The following TMPRSS11F variants were observed in gnomAD, a reference collection of about 807,000 sequenced individuals.
The protein encoded by TMPRSS11F is transmembrane protease serine 11F.
Under a neutral mutation model 60.2 loss-of-function variants are expected in TMPRSS11F, and 47 were observed. That is an observed-to-expected ratio of 0.78 (90% CI 0.62 to 1.00). The LOEUF is 1.00. TMPRSS11F is among the 50% of genes least tolerant of loss of function. The pLI is 0.00. For synonymous variants in TMPRSS11F, 166 were observed against 167.3 expected (o/e 0.99, Z 0.06); for missense variants, 519 against 522.9 (o/e 0.99, Z 0.07).
At chr4:68,099,875 T>TA (rs1023532491) in intron 1 of TMPRSS11F, among the ~76,000 whole-genome samples, 1 of 152,272 alleles carries the variant, frequency 6.6e-6, no homozygotes, top group African/African-American at 2.4e-5. Flanking sequence ...GCCCACACTT[T>TA]AAAAGGGGAA....
intron 1 of TMPRSS11F, among the ~76,000 whole-genome samples, chr4:68,126,345 T>G (rs1299035992): frequency 6.6e-6 from 1 of 152,206 alleles, no homozygotes; most frequent in East Asian, 1.9e-4. Context: ...AATGAAACTT[T>G]AAAATCTAGT....
At chr4:68,086,563 A>C (rs924899429) in intron 3 of TMPRSS11F, among the ~76,000 whole-genome samples, 1 of 151,790 alleles carries the variant, frequency 6.6e-6, no homozygotes, top group African/African-American at 2.4e-5. Context: ...AAAATCTGTT[A>C]AAAAAAGATC....
At chr4:68,068,850 C>A in intron 6 of TMPRSS11F, 31 bp from the exon 7 acceptor site, 1 of 1,607,954 alleles carries the variant, frequency 6.2e-7, no homozygotes, top group South Asian at 1.1e-5. Flanking sequence ...CATTCATATT[C>A]ATAAAAAGGA....
intron 3 of TMPRSS11F, among the ~76,000 whole-genome samples, chr4:68,075,959 C>T (rs567666211): frequency 7.2e-4 from 109 of 151,372 alleles, no homozygotes; most frequent in Non-Finnish European, 1.3e-3. Context: ...GGCCACTGCA[C>T]TCCAGCCTGG....
chr4:68,079,964 A>G (rs983629635), intron 3 of TMPRSS11F, among the ~76,000 whole-genome samples: 10 of 152,356 alleles, frequency 6.6e-5, no homozygotes, highest in Non-Finnish European at 1.2e-4. Context: ...AAGGAAGATC[A>G]GTAGTTACTG....
At chr4:68,057,037 C>A (rs1723061319) in intron 9 of TMPRSS11F, among the ~76,000 whole-genome samples, 1 of 152,144 alleles carries the variant, frequency 6.6e-6, no homozygotes, top group African/African-American at 2.4e-5. Flanking sequence ...GTAATCCCAG[C>A]ACTTTGGGAG....
At chr4:68,101,897 A>C (rs1724199002) in intron 1 of TMPRSS11F, among the ~76,000 whole-genome samples, 1 of 152,082 alleles carries the variant, frequency 6.6e-6, no homozygotes, top group South Asian at 2.1e-4. Context: ...ATACAATTTT[A>C]TTACCTATAG....
intron 1 of TMPRSS11F, among the ~76,000 whole-genome samples, chr4:68,123,658 G>C (rs868102646): frequency 1.2e-4 from 18 of 152,120 alleles, no homozygotes; most frequent in African/African-American, 4.1e-4. Context: ...AAAGCAAGAC[G>C]ATTATGGAAA....
chr4:68,057,014 G>T (rs1363993829), intron 9 of TMPRSS11F, among the ~76,000 whole-genome samples: 1 of 152,152 alleles, frequency 6.6e-6, no homozygotes, highest in Admixed American at 6.6e-5. Context: ...GCTGGGCGTG[G>T]TGGCTCATGC....
At chr4:68,061,710 A>G (rs909561385) in intron 8 of TMPRSS11F, 2 of 388,672 alleles carry the variant, frequency 5.1e-6, no homozygotes, top group Non-Finnish European at 1.0e-5. Flanking sequence ...AATCACTGAA[A>G]GAAATTTTAA....
chr4:68,073,829 T>C (rs1021010541), intron 4 of TMPRSS11F, 113 bp downstream of exon 4: 1 of 640,076 alleles, frequency 1.6e-6, no homozygotes. Context: ...GCTCAAGATT[T>C]ATGAAATCTC....
intron 9 of TMPRSS11F, among the ~76,000 whole-genome samples, chr4:68,057,341 T>G (rs1252100679): frequency 6.9e-6 from 1 of 145,418 alleles, no homozygotes; most frequent in Non-Finnish European, 1.5e-5. Flanking sequence ...CCTTACACCA[T>G]GCACAAAAAG....
intron 8 of TMPRSS11F, among the ~76,000 whole-genome samples, chr4:68,061,332 T>A (rs985111186): frequency 6.6e-6 from 1 of 152,212 alleles, no homozygotes; most frequent in Non-Finnish European, 1.5e-5. Context: ...ATGAGCAAAT[T>A]CAACTTACAT....
chr4:68,103,157 A>G (rs1273350072), intron 1 of TMPRSS11F, among the ~76,000 whole-genome samples: 3 of 152,094 alleles, frequency 2.0e-5, no homozygotes, highest in African/African-American at 7.2e-5. Context: ...TTAGTTGACC[A>G]CGGCCAGGCA....
intron 2 of TMPRSS11F, among the ~76,000 whole-genome samples, chr4:68,091,300 C>T (rs1723925732): frequency 6.6e-6 from 1 of 152,066 alleles, no homozygotes; most frequent in Non-Finnish European, 1.5e-5. Flanking sequence ...TTTTCTTCCA[C>T]CTCCCTGGCC....
At chr4:68,076,757 C>T (rs902597815) in intron 3 of TMPRSS11F, among the ~76,000 whole-genome samples, 2 of 152,172 alleles carry the variant, frequency 1.3e-5, no homozygotes, top group Non-Finnish European at 2.9e-5. Flanking sequence ...CACCAATCTT[C>T]CATTTTCCTG....
At chr4:68,120,411 C>A (rs1250425322) in intron 1 of TMPRSS11F, among the ~76,000 whole-genome samples, 2 of 121,938 alleles carry the variant, frequency 1.6e-5, no homozygotes, top group Non-Finnish European at 3.2e-5. Flanking sequence ...TTTTTTGAGA[C>A]GGAGTCTCGC....
intron 3 of TMPRSS11F, among the ~76,000 whole-genome samples, chr4:68,078,750 C>T (rs1010243830): frequency 6.6e-6 from 1 of 152,132 alleles, no homozygotes; most frequent in African/African-American, 2.4e-5. Context: ...CCAGTAGTGA[C>T]CTCACATATT....
intron 1 of TMPRSS11F, among the ~76,000 whole-genome samples, chr4:68,115,842 A>C (rs951049710): frequency 1.2e-4 from 18 of 152,190 alleles, no homozygotes; most frequent in African/African-American, 4.1e-4. Context: ...AAAAATTTTA[A>C]AGCATTTATG....
Sources: allele counts gnomAD v4.1 joint callset (sites outside exome capture counted in the v4.1 genomes callset), GRCh38; gene constraint gnomAD v4.1.1; transcripts MANE v1.5; gene names NCBI Gene and HGNC (gene_info 2026-07-23, HGNC 2026-07-21).